KLHL4: variants seen among roughly 807,000 people sequenced by gnomAD.
KLHL4 encodes the protein kelch like family member 4.
In KLHL4, 17 loss-of-function variants were observed where a neutral mutation model predicts 45.8. The ratio of observed to expected loss-of-function variants is 0.37; its 90% CI spans 0.25 to 0.56. The LOEUF (loss-of-function observed/expected upper bound fraction) is 0.56. Among genes scored for constraint, KLHL4 ranks in the 20% least tolerant of loss-of-function variants. The pLI is 0.79. For synonymous variants in KLHL4, 224 were observed against 189.9 expected, an observed-to-expected ratio of 1.18 and a Z score of -1.47; for missense variants, 544 against 544.9, an observed-to-expected ratio of 1.00 and a Z score of 0.02.
At chrX:87,588,179 C>T (rs1484433154) in intron 1 of KLHL4, among the ~76,000 whole-genome samples, 1 of 111,617 alleles carries the variant, frequency 9.0e-6, no homozygotes, top group Admixed American at 9.5e-5. Flanking sequence ...ATTCCATGTT[C>T]ATAGATTGAA....
rs758080242 is a variant in KLHL4 at position 87,543,282 on chromosome X, TAGA to T, written c.422+24970_422+24972del. Among the ~76,000 whole-genome samples the T allele has an allele frequency of 2.3e-4, 25 of 110,789 alleles. 1 individual carries two copies. The highest frequency in any genetic ancestry group is 1.6e-3 in the Admixed American group (17 of 10,370). ...TATTTAATATTCAGTTTTGGAAAAA[TAGA>T]AGGAGAGGCAGAGCAAGATGGTGGA... On this transcript the variant is annotated intron_variant, in intron 1 of 10. Transcript: ENST00000373119.
At chrX:87,621,772 A>G (rs1922757563) in intron 4 of KLHL4, among the ~76,000 whole-genome samples, 1 of 111,640 alleles carries the variant, frequency 9.0e-6, no homozygotes, top group Non-Finnish European at 1.9e-5. Context: ...TGCCTCACAT[A>G]CATAGCCAGA....
chrX:87,522,275 A>G (rs1353810517), intron 1 of KLHL4, among the ~76,000 whole-genome samples: 11 of 111,842 alleles, frequency 9.8e-5, no homozygotes, highest in Non-Finnish European at 2.1e-4. Flanking sequence ...GTGTATCTGG[A>G]GAAGCACGCT....
intron 9 of KLHL4, among the ~76,000 whole-genome samples, chrX:87,652,984 A>G (rs993765014): frequency 8.9e-6 from 1 of 112,038 alleles, no homozygotes; most frequent in African/African-American, 3.2e-5. Flanking sequence ...GGTGGTGGCA[A>G]GAGAGAATCA....
At chrX:87,628,828 C>T (rs1376755231) in intron 6 of KLHL4, among the ~76,000 whole-genome samples, 1 of 112,002 alleles carries the variant, frequency 8.9e-6, no homozygotes, top group Non-Finnish European at 1.9e-5. Context: ...CTGTTAAATA[C>T]AGATATCACA....
At chrX:87,601,958 T>C (rs1922030999) in intron 1 of KLHL4, among the ~76,000 whole-genome samples, 1 of 110,836 alleles carries the variant, frequency 9.0e-6, no homozygotes. Context: ...CTTAATAATC[T>C]TGACTCAGTT....
Position 87,564,158 on chromosome X carries a change from C to G in KLHL4, c.422+45843C>G, listed in dbSNP as rs765430416. 3.6e-5 allele frequency among the ~76,000 whole-genome samples: 4 copies of G among 111,231 alleles called. No individual in the cohort carries two copies. The East Asian group carries it at 1.2e-3, about 32-fold the overall frequency. ...CCGACAAATACAGAATAGTATAACA[C>G]TGTAATTGTGGTGTGTAAACTACTC... is the stretch of plus-strand genomic sequence containing the variant. On this transcript the variant is annotated intron_variant, in intron 1 of 10. Coordinates refer to ENST00000373119, the MANE Select transcript of KLHL4 (RefSeq NM_019117.5).
chrX:87,537,191 C>T (rs962930421), intron 1 of KLHL4, among the ~76,000 whole-genome samples: 1 of 110,959 alleles, frequency 9.0e-6, no homozygotes, highest in African/African-American at 3.3e-5. Context: ...AAAAAGAGTA[C>T]ACTAAAGATA....
chrX:87,608,839 G>A (rs1337774823), intron 1 of KLHL4, among the ~76,000 whole-genome samples: 1 of 110,737 alleles, frequency 9.0e-6, no homozygotes, highest in Non-Finnish European at 1.9e-5. Flanking sequence ...GTATACATGT[G>A]CCATGCTGGT....
At chrX:87,529,223 C>A (rs1447838391) in intron 1 of KLHL4, among the ~76,000 whole-genome samples, 4 of 111,038 alleles carry the variant, frequency 3.6e-5, no homozygotes, top group Non-Finnish European at 5.7e-5. Context: ...AACTAGAAAT[C>A]AAAAGATGAT....
intron 9 of KLHL4, among the ~76,000 whole-genome samples, chrX:87,662,745 C>T (rs1199522533): frequency 1.9e-4 from 21 of 109,596 alleles, no homozygotes; most frequent in Admixed American, 6.9e-4. Context: ...CTGGCTAACA[C>T]GGTGAAACCC....
At chrX:87,526,940 C>T (rs752603788) in intron 1 of KLHL4, among the ~76,000 whole-genome samples, 1 of 111,704 alleles carries the variant, frequency 9.0e-6, no homozygotes, top group South Asian at 3.7e-4. Flanking sequence ...GTTCCATTCA[C>T]TTTCCTCAGG....
chrX:87,608,690 A>G (rs1167390229), intron 1 of KLHL4, among the ~76,000 whole-genome samples: 2 of 111,245 alleles, frequency 1.8e-5, no homozygotes, highest in African/African-American at 6.5e-5. Flanking sequence ...TGCATGTCAC[A>G]TGGCAAGAAA....
Position 87,660,892 on chromosome X carries a change from G to A in KLHL4, c.1926-3872G>A, listed in dbSNP as rs770051616. On this transcript the variant is annotated intron_variant, in intron 9 of 10. Coordinates refer to ENST00000373119, the MANE Select transcript of KLHL4 (RefSeq NM_019117.5). ...CAAACAAAAAACTGCATCGGAGTGCGAAACTCATGGGAGGGAGAGGTCAAG... is the reference window on the plus strand; with the variant it reads ...CAAACAAAAAACTGCATCGGAGTGCAAAACTCATGGGAGGGAGAGGTCAAG... 8.0e-5 allele frequency among the ~76,000 whole-genome samples: 9 copies of A among 112,069 alleles called. No homozygotes were observed. In the South Asian group the frequency reaches 2.2e-3, roughly 27 times the overall value.
At chrX:87,626,096 G>A (rs1206497796) in intron 6 of KLHL4, among the ~76,000 whole-genome samples, 2 of 111,845 alleles carry the variant, frequency 1.8e-5, no homozygotes, top group South Asian at 3.8e-4. Flanking sequence ...TTGTGAACCC[G>A]AAAGTATGTG....
intron 6 of KLHL4, among the ~76,000 whole-genome samples, chrX:87,626,555 G>A (rs977506012): frequency 9.1e-6 from 1 of 109,771 alleles, no homozygotes; most frequent in Non-Finnish European, 1.9e-5. Context: ...AATTTACACT[G>A]CCGTTGTGAA....
chrX:87,522,318 A>G (rs1315790269), intron 1 of KLHL4, among the ~76,000 whole-genome samples: 2 of 111,679 alleles, frequency 1.8e-5, no homozygotes, highest in Non-Finnish European at 3.8e-5. Context: ...TGACTTTGGA[A>G]AGGTAACAAT....
At chrX:87,549,616 G>A (rs1468107193) in intron 1 of KLHL4, among the ~76,000 whole-genome samples, 1 of 111,090 alleles carries the variant, frequency 9.0e-6, no homozygotes, top group Non-Finnish European at 1.9e-5. Flanking sequence ...ATAACAAGAG[G>A]AATTTTGATA....
At position 87,635,786 on chromosome X, in the gene KLHL4, T is replaced by C. The variant is rs781504905; in HGVS notation, c.1925+11T>C. 39 of 1,093,773 alleles carry C rather than the reference T, an allele frequency of 3.6e-5. No homozygotes were observed. Among genetic ancestry groups the C allele is most frequent in the Non-Finnish European group, 4.5e-5 (37 of 816,797 alleles). 90.1% of individuals were successfully genotyped at this position (1,093,773 alleles called of 1,213,427 possible). ...TGACTGTGTGGAACGGTAAGTTTTT[T>C]CTATTTCCTTCTGTATGTAATTATT... On this transcript the variant is annotated intron_variant, in intron 9 of 10. Coordinates refer to ENST00000373119, the MANE Select transcript of KLHL4 (RefSeq NM_019117.5).
Sources: allele counts gnomAD v4.1 joint callset (sites outside exome capture counted in the v4.1 genomes callset), GRCh38; gene constraint gnomAD v4.1.1; transcripts MANE v1.5; gene names NCBI Gene and HGNC (gene_info 2026-07-23, HGNC 2026-07-21).